The following ZNF780B variants were observed in gnomAD, a reference collection of about 807,000 sequenced individuals.
ZNF780B encodes zinc finger protein 779.
Under a neutral mutation model 74.1 loss-of-function variants are expected in ZNF780B, and 52 were observed. That is an observed-to-expected ratio of 0.70 (90% CI 0.56 to 0.88). ZNF780B has a LOEUF of 0.88. Among genes scored for constraint, ZNF780B ranks in the 40% least tolerant of loss-of-function variants. The probability of loss-of-function intolerance (pLI) is 0.00; values close to 1 mark genes in which losing one functional copy is unlikely to be tolerated. For synonymous variants in ZNF780B, 315 were observed against 324.3 expected (o/e 0.97, Z 0.31); for missense variants, 953 against 1,007.6 (o/e 0.95, Z 0.73).
chr19:40,047,607 T>A (rs61424085), intron 3 of ZNF780B, 137 bp from the exon 4 acceptor site: 9,320 of 505,670 alleles, frequency 0.018, 761 homozygotes, highest in African/African-American at 0.17. Context: ...GAGGATTGAG[T>A]AAGGGATCAA....
intron 4 of ZNF780B, among the ~76,000 whole-genome samples, chr19:40,043,733 G>A (rs1233123887): frequency 6.6e-6 from 1 of 152,206 alleles, no homozygotes; most frequent in African/African-American, 2.4e-5. Context: ...CTCCTGGTGT[G>A]CCGTTTTTTA....
At chr19:40,048,957 C>T (rs1236921761) in intron 2 of ZNF780B, 161 bp from the exon 3 acceptor site, 16 of 1,170,958 alleles carry the variant, frequency 1.4e-5, no homozygotes, top group Middle Eastern at 4.0e-4. Flanking sequence ...GGTGTGGTGG[C>T]TCATGCCTGT....
rs943706849 is a variant in ZNF780B, at chr19:40,031,865, C to T, written c.*2492G>A. The T allele has an allele frequency of 1.0e-5, 3 of 289,830 alleles. No individual in the cohort carries two copies. The highest frequency in any genetic ancestry group is 6.5e-5 in the African/African-American group (3 of 45,882). The allele number at this position is 289,830 out of a possible 1,614,324, so 18.0% of individuals were successfully genotyped here. A position where few individuals can be genotyped will look rare whatever the true frequency, so the allele number is the denominator to read the frequency against. Reference sequence around the variant, plus strand: ...CTCTCCATAGATTACTTACCCACTACAAACTAAATCTTTACAATGGACTTA... The same window carrying T: ...CTCTCCATAGATTACTTACCCACTATAAACTAAATCTTTACAATGGACTTA... On this transcript the variant is annotated 3_prime_UTR_variant, in exon 5 of 5. Coordinates refer to ENST00000434248, the MANE Select transcript of ZNF780B (RefSeq NM_001005851.3).
In ZNF780B at chr19:40,035,585, C is replaced by A. The variant is rs766585971; in HGVS notation, c.1274G>T (p.Gly425Val). Residue 425 changes from glycine (G) to valine (V), a missense_variant, in exon 5 of 5, where the codon GGC (glycine) becomes GTC (valine). By Grantham distance (109) the Gly-to-Val change is moderately radical. Transcript: ENST00000434248. ...AATAAGATTTGCACCACGATTAAAGCCTTTCCCACACTCCTTACATTCATA... is the reference window on the plus strand; with the variant it reads ...AATAAGATTTGCACCACGATTAAAGACTTTCCCACACTCCTTACATTCATA... ...KPYECKECGK[G>V]FNRGANLIQH... 1.9e-6 allele frequency: 3 copies of A among 1,607,230 alleles called. No individual in the cohort carries two copies.
chr19:40,042,372 T>C (rs1234783976), intron 4 of ZNF780B, among the ~76,000 whole-genome samples: 2 of 152,184 alleles, frequency 1.3e-5, no homozygotes, highest in Admixed American at 6.5e-5. Flanking sequence ...ATCTGACAAT[T>C]ATGTGTCTTG....
At chr19:40,055,596 G>A (rs1040180605) in intron 1 of ZNF780B, 3 of 152,128 alleles carry the variant, frequency 2.0e-5, no homozygotes, top group African/African-American at 7.2e-5. Context: ...AAATGAGAAG[G>A]AAATAAAAGG....
chr19:40,041,003 G>A (rs1206814265), intron 4 of ZNF780B, among the ~76,000 whole-genome samples: 1 of 152,154 alleles, frequency 6.6e-6, no homozygotes, highest in Non-Finnish European at 1.5e-5. Flanking sequence ...ATGTTAGGGT[G>A]TCAATTTTGG....
At chr19:40,048,821 TG>T (rs755296894) in intron 2 of ZNF780B, 25 bp from the exon 3 acceptor site, 2 of 1,612,040 alleles carry the variant, frequency 1.2e-6, no homozygotes, top group South Asian at 1.1e-5. Context: ...ACATGGATTA[TG>T]GTGAAATTGA....
At chr19:40,051,947 T>C (rs1973249422) in intron 1 of ZNF780B, among the ~76,000 whole-genome samples, 1 of 152,210 alleles carries the variant, frequency 6.6e-6, no homozygotes, top group South Asian at 2.1e-4. Flanking sequence ...CATGTAACAT[T>C]TTCTTGAGTA....
intron 4 of ZNF780B, among the ~76,000 whole-genome samples, chr19:40,044,168 T>C (rs554928986): frequency 1.3e-5 from 2 of 152,320 alleles, no homozygotes; most frequent in South Asian, 4.1e-4. Flanking sequence ...TTTGAATTTT[T>C]GAGGTCCTAG....
Position 40,034,641 on chromosome 19 carries a change from G to A in ZNF780B, c.2218C>T (p.Leu740Phe), listed in dbSNP as rs1972147462. 6.2e-7 allele frequency: 1 copy of A among 1,614,008 alleles called. No homozygotes were observed. The highest frequency in any genetic ancestry group is 8.5e-7 in the Non-Finnish European group (1 of 1,179,980). ...GTATGAATGATCTGATGTTGAGCAA[G>A]CTGTGTCAGAAGACCAAAGGCCTTT... ...CGKAFGLLTQ[L>F]AQHQIIHTGE... The change falls in exon 5 of 5, where the codon CTT (leucine) becomes TTT (phenylalanine). Residue 740 changes from leucine to phenylalanine, a missense_variant. Leu to Phe is a conservative substitution (Grantham distance 22, BLOSUM62 0). Transcript: ENST00000434248.
rs1188291748 is a variant in ZNF780B at position 40,036,065 on chromosome 19, G to A, written c.794C>T (p.Thr265Ile). 3.1e-6 allele frequency: 5 copies of A among 1,612,862 alleles called. No homozygotes were observed. Among genetic ancestry groups the A allele is most frequent in the Admixed American group, 3.3e-5 (2 of 59,910 alleles). ...GKSFNRSSNL[T>I]QHQSIHAGVK... ...ACCAGCATGAATACTTTGATGCTGA[G>A]TAAGGTTTGAGCTACGATTAAAAGA... The change falls in exon 5 of 5, where the codon ACT (threonine) becomes ATT (isoleucine). Residue 265 changes from threonine to isoleucine, a missense_variant. By Grantham distance (89) the Thr-to-Ile change is moderately conservative. Transcript: ENST00000434248.
intron 4 of ZNF780B, among the ~76,000 whole-genome samples, chr19:40,039,071 C>G (rs1193413211): frequency 2.6e-5 from 4 of 152,080 alleles, no homozygotes; most frequent in Non-Finnish European, 5.9e-5. Context: ...TTTAATCCAT[C>G]TTGAATTAAT....
rs368906055 is a variant in ZNF780B, at chr19:40,048,743, C to T, written c.63G>A (p.Glu21=). 5.5e-5 allele frequency: 89 copies of T among 1,614,198 alleles called. No individual in the cohort carries two copies. In the African/African-American group the frequency reaches 9.3e-4, roughly 17 times the overall value. The change falls in exon 3 of 5, where the codon GAG becomes GAA. Residue 21 remains glutamate (E), a synonymous_variant. Transcript: ENST00000434248. ...AGGTCCTCTGATCAGGCTGCAGGCA[C>T]TCCCACTCCTCCTGAGAGAAGTCAA... ...VAIDFSQEEW[E]CLQPDQRTLY... is the part of the protein sequence containing the mutation.
intron 3 of ZNF780B, 130 bp downstream of exon 3, chr19:40,048,540 T>C: frequency 6.8e-7 from 1 of 1,474,366 alleles, no homozygotes; most frequent in East Asian, 2.3e-5. Context: ...CCAACAAATC[T>C]CAATCCATTC....
intron 4 of ZNF780B, among the ~76,000 whole-genome samples, chr19:40,038,678 T>C (rs1189777243): frequency 5.9e-5 from 9 of 152,058 alleles, no homozygotes; most frequent in Admixed American, 5.9e-4. Flanking sequence ...ATGATGAGCA[T>C]TTTTTCATGT....
intron 1 of ZNF780B, among the ~76,000 whole-genome samples, chr19:40,051,988 G>C (rs1257947346): frequency 6.6e-6 from 1 of 152,004 alleles, no homozygotes; most frequent in Non-Finnish European, 1.5e-5. Context: ...ACTGCTTAAT[G>C]GTATATCAAA....
In ZNF780B at chr19:40,050,526, TAC is replaced by T. The variant is rs1599796423; in HGVS notation, c.-45-151_-45-150del. ...CTTCTCCCGTCACTCCCTTTTTCCC[TAC>T]ACACACTCTCACAAATAAACTGGCA... On this transcript the variant is annotated intron_variant, in intron 1 of 4. Coordinates refer to ENST00000434248, the MANE Select transcript of ZNF780B (RefSeq NM_001005851.3). 2.3e-5 allele frequency: 19 copies of T among 840,502 alleles called. No homozygotes were observed. In the East Asian group the frequency reaches 4.9e-4, roughly 22 times the overall value. 52.1% of individuals were successfully genotyped at this position (840,502 alleles called of 1,614,324 possible). A position where few individuals can be genotyped will look rare whatever the true frequency, so the allele number is the denominator to read the frequency against.
intron 1 of ZNF780B, among the ~76,000 whole-genome samples, chr19:40,053,757 C>T (rs189433816): frequency 1.2e-4 from 19 of 152,244 alleles, no homozygotes; most frequent in Admixed American, 5.9e-4. Flanking sequence ...TGCTGTCATT[C>T]GCAACAACAT....
Sources: gnomAD v4.1 joint callset for allele counts (sites outside exome capture counted in the v4.1 genomes callset) on GRCh38, gnomAD v4.1.1 for gene constraint, MANE v1.5 for transcripts, NCBI Gene and HGNC (gene_info 2026-07-23, HGNC 2026-07-21) for gene names.